TNRC6A: variants seen among roughly 807,000 people sequenced by gnomAD.
The protein encoded by TNRC6A is trinucleotide repeat containing adaptor 6A.
In TNRC6A, 44 loss-of-function variants were observed where a neutral mutation model predicts 221.2. That is an observed-to-expected ratio of 0.20 (90% CI 0.16 to 0.26). The LOEUF is 0.26. Ranked by LOEUF, TNRC6A falls within the 10% of genes least tolerant of loss-of-function variation. The pLI is 1.00. For missense variants in TNRC6A, 2,199 were observed against 2,404.4 expected, an observed-to-expected ratio of 0.91 and a Z score of 1.79; for synonymous variants, 847 against 838.5, an observed-to-expected ratio of 1.01 and a Z score of -0.18.
chr16:24,779,567 A>G (rs1280166674), intron 5 of TNRC6A, among the ~76,000 whole-genome samples: 1 of 152,242 alleles, frequency 6.6e-6, no homozygotes, highest in African/African-American at 2.4e-5. Flanking sequence ...TAATAACGAT[A>G]CAGTGGCTAA....
chr16:24,709,910 G>A lies in TNRC6A; in HGVS notation n.403-40816G>A, dbSNP rs558852945. ...TCTGTCACAGGTGTCTTAAATACAT[G>A]AACAAAGGTATAAATTTTTTTTAAA... On this transcript the variant is annotated intron_variant and non_coding_transcript_variant, in intron 2 of 2. Transcript: ENST00000566108. 7.9e-5 allele frequency among the ~76,000 whole-genome samples: 12 copies of A among 151,204 alleles called. 1 individual carries two copies. Among genetic ancestry groups the A allele is most frequent in the Admixed American group, 2.6e-4 (4 of 15,098 alleles).
intron 1 of TNRC6A, among the ~76,000 whole-genome samples, chr16:24,616,760 C>T (rs1197102762): frequency 1.3e-5 from 2 of 152,028 alleles, no homozygotes; most frequent in South Asian, 2.1e-4. Flanking sequence ...TGGCGAAACC[C>T]CGTCTCTACT....
At chr16:24,686,059 T>C (rs16973910) in intron 2 of TNRC6A, among the ~76,000 whole-genome samples, 9,574 of 152,194 alleles carry the variant, frequency 0.063, 769 homozygotes, top group East Asian at 0.32. Flanking sequence ...ACATTTCTAG[T>C]GAAAACCAGG....
At chr16:24,776,848 T>A in intron 4 of TNRC6A, 85 bp from the exon 5 acceptor site, 1 of 1,524,776 alleles carries the variant, frequency 6.6e-7, no homozygotes, top group Non-Finnish European at 8.8e-7. Flanking sequence ...TTATTTTTCT[T>A]AGTGCCTTTG....
chr16:24,670,931 T>A, intron 2 of TNRC6A: 1 of 367,068 alleles, frequency 2.7e-6, no homozygotes, highest in South Asian at 1.9e-5. Context: ...CCTTACATGA[T>A]GCTGACAGGG....
rs56681727 is a variant in TNRC6A, at chr16:24,758,417, G to A, written c.163+57G>A. On this transcript the variant is annotated intron_variant, in intron 4 of 24. Transcript: ENST00000395799. ...TTTTCATTAAAGCAAGGTTGTTTATGTGCATTTTTGTTCACCTCAAGGATG... is the reference window on the plus strand; with the variant it reads ...TTTTCATTAAAGCAAGGTTGTTTATATGCATTTTTGTTCACCTCAAGGATG... 6 of 1,562,896 alleles carry A rather than the reference G, an allele frequency of 3.8e-6. No homozygotes were observed. The East Asian group carries it at 9.0e-5, about 23-fold the overall frequency.
intron 15 of TNRC6A, 114 bp downstream of exon 15, chr16:24,805,847 C>T (rs1482557980): frequency 6.8e-6 from 9 of 1,333,004 alleles, no homozygotes; most frequent in Non-Finnish European, 9.4e-6. Flanking sequence ...TAGTCATAGT[C>T]CTCATGGAGC....
At chr16:24,725,999 A>T (rs921726728), upstream of TNRC6A, among the ~76,000 whole-genome samples, 1 of 116,432 alleles carries the variant, frequency 8.6e-6, no homozygotes, top group African/African-American at 4.0e-5. Flanking sequence ...GACTATGTCT[A>T]AAAAAAAAAA....
chr16:24,649,444 G>T (rs115386619), intron 2 of TNRC6A, among the ~76,000 whole-genome samples: 1,704 of 152,090 alleles, frequency 0.011, 27 homozygotes, highest in African/African-American at 0.039. Context: ...GAGTATCTGG[G>T]ACCACAGATG....
intron 2 of TNRC6A, among the ~76,000 whole-genome samples, chr16:24,694,861 C>A (rs2055827097): frequency 6.6e-6 from 1 of 151,558 alleles, no homozygotes; most frequent in Non-Finnish European, 1.5e-5. Context: ...TGAGCCCAGG[C>A]GGTCAAGGCT....
At chr16:24,758,506 C>A in intron 4 of TNRC6A, 146 bp downstream of exon 4, 1 of 804,906 alleles carries the variant, frequency 1.2e-6, no homozygotes, top group Non-Finnish European at 2.0e-6. Context: ...ACCCTGGGGT[C>A]GTCCTTTGGA....
chr16:24,782,286 C>T (rs138105807), intron 5 of TNRC6A, among the ~76,000 whole-genome samples: 11 of 152,324 alleles, frequency 7.2e-5, no homozygotes, highest in African/African-American at 2.4e-4. Context: ...ATCTCTCAAA[C>T]CGGAAGCCAG....
intron 3 of TNRC6A, among the ~76,000 whole-genome samples, chr16:24,753,695 C>CA (rs2057186767): frequency 6.6e-6 from 1 of 152,166 alleles, no homozygotes; most frequent in African/African-American, 2.4e-5. Context: ...CAGGTGTATC[C>CA]AGGCAGATAT....
chr16:24,719,027 A>G (rs998757424), intron 2 of TNRC6A, among the ~76,000 whole-genome samples: 1 of 146,538 alleles, frequency 6.8e-6, no homozygotes, highest in Non-Finnish European at 1.5e-5. Flanking sequence ...ACAGAGCAAG[A>G]CTCTGTCTCC....
At chr16:24,625,874 T>C (rs2141635375) in intron 1 of TNRC6A, among the ~76,000 whole-genome samples, 1 of 152,244 alleles carries the variant, frequency 6.6e-6, no homozygotes, top group Non-Finnish European at 1.5e-5. Context: ...ATCGCACCAT[T>C]ACACTCTAGC....
In TNRC6A at chr16:24,642,764, G is replaced by A. The variant is rs561529716; in HGVS notation, n.402+1755G>A. ...GAACCCGGAAGGTGGAGGTTGCGGT[G>A]AGCTGAGATAGTGCCACTGCACTAC... On this transcript the variant is annotated intron_variant and non_coding_transcript_variant, in intron 2 of 2. Coordinates refer to the TNRC6A transcript ENST00000566108. Among the ~76,000 whole-genome samples, 200 of 152,170 alleles carry A rather than the reference G, an allele frequency of 1.3e-3. 2 individuals are homozygous for A. Among genetic ancestry groups the A allele is most frequent in the Admixed American group, 1.7e-3 (26 of 15,264 alleles).
At chr16:24,761,552 A>ACTTTTTTTTTT (rs972708370) in intron 4 of TNRC6A, among the ~76,000 whole-genome samples, 9 of 151,400 alleles carry the variant, frequency 5.9e-5, no homozygotes, top group African/African-American at 2.2e-4. Context: ...TCTGGCATTG[A>ACTTTTTTTTTT]CTTTTTTTTT....
At chr16:24,657,914 C>G (rs555887665) in intron 2 of TNRC6A, among the ~76,000 whole-genome samples, 1 of 151,830 alleles carries the variant, frequency 6.6e-6, no homozygotes, top group African/African-American at 2.4e-5. Context: ...TTCCTACATT[C>G]CTAAAATATG....
chr16:24,778,590 C>A, intron 5 of TNRC6A: 2 of 637,674 alleles, frequency 3.1e-6, no homozygotes, highest in Non-Finnish European at 2.0e-6. Flanking sequence ...TTGGCCATAA[C>A]ACATCTGACC....
Sources: allele counts gnomAD v4.1 joint callset (sites outside exome capture counted in the v4.1 genomes callset), GRCh38; gene constraint gnomAD v4.1.1; transcripts MANE v1.5; gene names NCBI Gene and HGNC (gene_info 2026-07-23, HGNC 2026-07-21).